Variants in AGXT2 observed in about 807,000 individuals in gnomAD.
The protein encoded by AGXT2 is alanine--glyoxylate aminotransferase 2.
Under a neutral mutation model 62.5 loss-of-function variants are expected in AGXT2, and 61 were observed. The ratio of observed to expected loss-of-function variants is 0.98; its 90% CI spans 0.79 to 1.21. The LOEUF (loss-of-function observed/expected upper bound fraction) is 1.21. AGXT2 is among the 50% of genes most tolerant of loss of function. The pLI, the probability that AGXT2 is intolerant of heterozygous loss-of-function variation, is 0.00. For missense variants in AGXT2, 666 were observed against 641.5 expected (o/e 1.04, Z -0.41); for synonymous variants, 243 against 218.7 (o/e 1.11, Z -0.98).
At chr5:35,006,412 C>G (rs558910307) in intron 12 of AGXT2, among the ~76,000 whole-genome samples, 21 of 152,328 alleles carry the variant, frequency 1.4e-4, no homozygotes, top group African/African-American at 4.8e-4. Flanking sequence ...ATGGCTCCAG[C>G]ACCCGCTTCT....
In AGXT2 at chr5:35,013,057, A is replaced by G. The variant is rs1766704621; in HGVS notation, c.1097-12T>C. ...AGATTTGGCAATCTCTAGAGGGAGA[A>G]AATAGAAGGTGTGGAAAGAGGGACA... On this transcript the variant is annotated splice_polypyrimidine_tract_variant and intron_variant, in intron 10 of 13. Transcript: ENST00000231420. 6.4e-7 allele frequency: 1 copy of G among 1,550,702 alleles called. No homozygotes were observed. Among genetic ancestry groups the G allele is most frequent in the African/African-American group, 1.4e-5 (1 of 73,042 alleles).
rs1767613815 is a variant in AGXT2 at position 35,032,717 on chromosome 5, C to T, written c.769+15G>A. 4 of 1,595,058 alleles carry T rather than the reference C, an allele frequency of 2.5e-6. No individual in the cohort carries two copies. The highest frequency in any genetic ancestry group is 1.1e-5 in the South Asian group (1 of 88,194). Reference sequence around the variant, plus strand: ...CTTCCAACACTCCACTGGCACCCCCCTTGCCCAGTCGGACCTGGTGCACAG... The same window carrying T: ...CTTCCAACACTCCACTGGCACCCCCTTTGCCCAGTCGGACCTGGTGCACAG... On this transcript the variant is annotated intron_variant, in intron 7 of 13. Coordinates refer to ENST00000231420, the MANE Select transcript of AGXT2 (RefSeq NM_031900.4).
At chr5:35,030,664 A>G (rs776225532) in intron 7 of AGXT2, among the ~76,000 whole-genome samples, 6 of 152,230 alleles carry the variant, frequency 3.9e-5, no homozygotes, top group African/African-American at 7.2e-5. Context: ...AAATTGGCTT[A>G]AGTAGTCCTA....
intron 10 of AGXT2, 84 bp from the exon 11 acceptor site, chr5:35,013,129 T>G: frequency 8.2e-7 from 1 of 1,219,872 alleles, no homozygotes. Flanking sequence ...CTACAGTTAC[T>G]TCGTGTTGTA....
At chr5:35,035,136 C>A in intron 5 of AGXT2, 86 bp downstream of exon 5, 1 of 1,171,706 alleles carries the variant, frequency 8.5e-7, no homozygotes, top group Admixed American at 1.7e-5. Context: ...AACCTCTCTC[C>A]CACTCCATGC....
At position 35,013,027 on chromosome 5, in the gene AGXT2, GC is replaced by G; in HGVS notation, c.1114del (p.Ala372ArgfsTer26). Reference sequence around the variant, plus strand: ...GGTGTTGAAGTGCTGCAGGCATTTCGCCAAAGATTTGGCAATCTCTAGAGGG... The same window carrying G: ...GGTGTTGAAGTGCTGCAGGCATTTCGCAAAGATTTGGCAATCTCTAGAGGG... ...ITTPEIAKSLAKCLQHFNTFG... is the reference protein window; with the variant it reads ...ITTPEIAKSLXKCLQHFNTFG... On this transcript the variant is annotated frameshift_variant, in exon 11 of 14. Coordinates refer to ENST00000231420, the MANE Select transcript of AGXT2 (RefSeq NM_031900.4). LOFTEE classifies it high-confidence loss of function. 2 of 1,551,626 alleles carry G rather than the reference GC, an allele frequency of 1.3e-6. No individual in the cohort carries two copies. Among genetic ancestry groups the G allele is most frequent in the South Asian group, 1.2e-5 (1 of 84,058 alleles).
At chr5:35,012,457 A>C (rs980655135) in intron 11 of AGXT2, 2 of 156,112 alleles carry the variant, frequency 1.3e-5, no homozygotes, top group African/African-American at 4.8e-5. Context: ...AAGAACATTA[A>C]AAAAAATCTT....
intron 9 of AGXT2, among the ~76,000 whole-genome samples, chr5:35,019,502 A>G (rs1432908006): frequency 6.6e-6 from 1 of 152,078 alleles, no homozygotes; most frequent in Non-Finnish European, 1.5e-5. Context: ...TGAAGGCAGA[A>G]ATAAAGATGT....
intron 5 of AGXT2, among the ~76,000 whole-genome samples, chr5:35,034,077 A>G (rs372841851): frequency 6.6e-6 from 1 of 152,286 alleles, no homozygotes; most frequent in African/African-American, 2.4e-5. Flanking sequence ...TGTAAGCTTC[A>G]AATGAGTTCG....
chr5:35,000,688 C>A (rs1027038810), intron 13 of AGXT2, among the ~76,000 whole-genome samples: 7 of 152,190 alleles, frequency 4.6e-5, no homozygotes, highest in Admixed American at 1.3e-4. Flanking sequence ...GCCTCTCCTG[C>A]CCGTTAAAAG....
chr5:35,011,611 A>T (rs1267156410), intron 11 of AGXT2, among the ~76,000 whole-genome samples: 3 of 152,044 alleles, frequency 2.0e-5, no homozygotes, highest in Non-Finnish European at 4.4e-5. Context: ...TTTATTTAAA[A>T]TTTTTTTGGA....
At chr5:35,012,893 G>T in intron 11 of AGXT2, 61 bp downstream of exon 11, 1 of 1,397,182 alleles carries the variant, frequency 7.2e-7, no homozygotes, top group Non-Finnish European at 9.9e-7. Flanking sequence ...GCTAATGCAT[G>T]TGTGGTTTTG....
intron 12 of AGXT2, among the ~76,000 whole-genome samples, chr5:35,008,166 TA>T (rs1766504607): frequency 6.6e-6 from 1 of 152,154 alleles, no homozygotes. Context: ...ACAAATGGAC[TA>T]AAAAAACCTG....
chr5:35,027,722 G>T (rs1046480577), intron 7 of AGXT2, among the ~76,000 whole-genome samples: 4 of 151,342 alleles, frequency 2.6e-5, no homozygotes, highest in African/African-American at 9.7e-5. Context: ...CCCAGAATGA[G>T]GTAGATCCCT....
Position 35,032,720 on chromosome 5 carries a change from G to A in AGXT2, c.769+12C>T. 2 of 1,596,832 alleles carry A rather than the reference G, an allele frequency of 1.3e-6. No individual in the cohort carries two copies. Among genetic ancestry groups the A allele is most frequent in the Non-Finnish European group, 1.7e-6 (2 of 1,170,044 alleles). On this transcript the variant is annotated intron_variant, in intron 7 of 13. Transcript: ENST00000231420. ...CCAACACTCCACTGGCACCCCCCTT[G>A]CCCAGTCGGACCTGGTGCACAGCTG...
chr5:35,040,698 C>T (rs748521803), intron 1 of AGXT2, 35 bp from the exon 2 acceptor site: 15 of 1,521,682 alleles, frequency 9.9e-6, no homozygotes, highest in East Asian at 2.3e-5. Context: ...CTCAACTAAG[C>T]ATGACATAGG....
chr5:35,012,077 A>C (rs979901746), intron 11 of AGXT2, among the ~76,000 whole-genome samples: 11 of 152,244 alleles, frequency 7.2e-5, no homozygotes, highest in African/African-American at 2.4e-4. Flanking sequence ...GGAGACCCAG[A>C]AGCGGGGAAG....
chr5:35,019,219 C>T (rs1232994316), intron 9 of AGXT2, among the ~76,000 whole-genome samples: 27 of 131,030 alleles, frequency 2.1e-4, no homozygotes, highest in East Asian at 4.3e-4. Context: ...CTGCACCAAG[C>T]GGACCTAATA....
intron 13 of AGXT2, among the ~76,000 whole-genome samples, chr5:35,002,364 T>C (rs1026006198): frequency 6.6e-6 from 1 of 152,040 alleles, no homozygotes; most frequent in East Asian, 1.9e-4. Flanking sequence ...TGAGTGAAGG[T>C]GGAGGGAGCT....
Sources: allele counts gnomAD v4.1 joint callset (sites outside exome capture counted in the v4.1 genomes callset), GRCh38; gene constraint gnomAD v4.1.1; transcripts MANE v1.5; gene names NCBI Gene and HGNC (gene_info 2026-07-23, HGNC 2026-07-21).